The following BCL9 variants were observed in gnomAD, a reference collection of about 807,000 sequenced individuals.
BCL9 encodes BCL9 transcription coactivator.
In BCL9, 25 loss-of-function variants were observed where a neutral mutation model predicts 88.5. That is an observed-to-expected ratio of 0.28 (90% CI 0.21 to 0.39). The LOEUF (loss-of-function observed/expected upper bound fraction) is 0.39, where lower values mean the gene tolerates loss of function less well. BCL9 is among the 10% of genes least tolerant of loss of function. The pLI, the probability that BCL9 is intolerant of heterozygous loss-of-function variation, is 1.00. For synonymous variants in BCL9, 711 were observed against 673.3 expected, an observed-to-expected ratio of 1.06 and a Z score of -0.87; for missense variants, 1,817 against 1,877.8, an observed-to-expected ratio of 0.97 and a Z score of 0.60.
At chr1:147,551,112 A>G (rs1460439573) in intron 1 of BCL9, among the ~76,000 whole-genome samples, 1 of 152,188 alleles carries the variant, frequency 6.6e-6, no homozygotes, top group East Asian at 1.9e-4. Context: ...AGTATTTGCT[A>G]TGTGCCACAC....
chr1:147,620,451 C>T lies in BCL9; in HGVS notation c.2296C>T (p.Pro766Ser). The T allele has an allele frequency of 6.2e-7, 1 of 1,614,068 alleles. No individual in the cohort carries two copies. Among genetic ancestry groups the T allele is most frequent in the Non-Finnish European group, 8.5e-7 (1 of 1,179,982 alleles). The change falls in exon 8 of 10, where the codon CCA becomes TCA. Residue 766 changes from proline to serine, a missense_variant. Pro to Ser is a moderately conservative substitution (Grantham distance 74). This residue lies in a region of BCL9 where 1,228 missense variants were observed against 1,191.6 expected (regional missense o/e 1.03). Transcript: ENST00000234739. Reference protein sequence around the residue: ...DMLPAQQKMVPLPFGEHPQQE... With the variant: ...DMLPAQQKMVSLPFGEHPQQE... ...GCTGCCTGCTCAGCAGAAGATGGTG[C>T]CACTGCCATTTGGTGAGCACCCCCA... is the stretch of plus-strand genomic sequence containing the variant.
intron 9 of BCL9, among the ~76,000 whole-genome samples, chr1:147,622,956 TC>T (rs1570923553): frequency 9.4e-6 from 1 of 106,178 alleles, no homozygotes; most frequent in East Asian, 2.8e-4. Context: ...AGCCCCTGTT[TC>T]CTAGACAAGC....
At chr1:147,560,685 G>A (rs1480047419) in intron 1 of BCL9, among the ~76,000 whole-genome samples, 2 of 151,834 alleles carry the variant, frequency 1.3e-5, no homozygotes, top group Non-Finnish European at 2.9e-5. Flanking sequence ...GGGGGGTTGT[G>A]GGGATGACTT....
At chr1:147,602,146 C>G (rs183705182) in intron 1 of BCL9, among the ~76,000 whole-genome samples, 1 of 151,374 alleles carries the variant, frequency 6.6e-6, no homozygotes. Flanking sequence ...GGTGATCCAC[C>G]CACCTCAGCC....
At chr1:147,566,159 T>C (rs1238242445) in intron 1 of BCL9, among the ~76,000 whole-genome samples, 1 of 152,146 alleles carries the variant, frequency 6.6e-6, no homozygotes, top group African/African-American at 2.4e-5. Flanking sequence ...GGAAAAGCAT[T>C]TCTAAAGACA....
rs190886157 is a variant in BCL9 at position 147,617,649 on chromosome 1, T to G, written c.661-1167T>G. 1.5e-3 allele frequency among the ~76,000 whole-genome samples: 232 copies of G among 152,334 alleles called. 1 individual carries two copies. The highest frequency in any genetic ancestry group is 5.2e-3 in the African/African-American group (217 of 41,576). On this transcript the variant is annotated intron_variant, in intron 7 of 9. Transcript: ENST00000234739. ...GTTTTCATGTGTATACAACACAAATTGTTCATATGCAGAGATACACGTAAT... is the reference window on the plus strand; with the variant it reads ...GTTTTCATGTGTATACAACACAAATGGTTCATATGCAGAGATACACGTAAT...
intron 1 of BCL9, among the ~76,000 whole-genome samples, chr1:147,597,700 A>G: frequency 6.6e-6 from 1 of 152,224 alleles, no homozygotes; most frequent in East Asian, 1.9e-4. Flanking sequence ...AATAAATCCT[A>G]GTTTAAAACA....
chr1:147,587,983 C>T lies in BCL9; in HGVS notation c.-477-16794C>T, dbSNP rs1656692491. Among the ~76,000 whole-genome samples the T allele has an allele frequency of 2.6e-5, 4 of 152,036 alleles. No individual in the cohort carries two copies. In the South Asian group the frequency reaches 8.3e-4, roughly 32 times the overall value. On this transcript the variant is annotated intron_variant, in intron 1 of 9. Transcript: ENST00000234739. Reference sequence around the variant, plus strand: ...AATATAATGATCTAAATATTAAAAACGTCAAGTTTGTGATATAGTAATATG... The same window carrying T: ...AATATAATGATCTAAATATTAAAAATGTCAAGTTTGTGATATAGTAATATG...
intron 1 of BCL9, among the ~76,000 whole-genome samples, chr1:147,600,032 C>G (rs1478784823): frequency 6.7e-6 from 1 of 148,760 alleles, no homozygotes; most frequent in Non-Finnish European, 1.5e-5. Flanking sequence ...GGGGCACCCT[C>G]CGCTCGCGTC....
Position 147,620,754 on chromosome 1 carries a change from A to G in BCL9, c.2599A>G (p.Thr867Ala), listed in dbSNP as rs782552736. 1.4e-5 allele frequency: 23 copies of G among 1,613,956 alleles called. No homozygotes were observed. The highest frequency in any genetic ancestry group is 1.9e-5 in the Non-Finnish European group (23 of 1,180,032). ...SPGINPLKSP[T>A]MHQVQSPMLG... is the part of the protein sequence containing the mutation. The stretch of plus-strand genomic sequence containing the variant: ...AGGCATTAACCCTCTGAAGTCTCCC[A>G]CGATGCACCAAGTCCAGTCACCAAT... The change falls in exon 8 of 10, where the codon ACG (threonine) becomes GCG (alanine). Residue 867 changes from threonine to alanine, a missense_variant. Physicochemically the swap from Thr to Ala is moderately conservative, Grantham distance 58. Around this residue, in one of 2 missense-constraint regions of BCL9, gnomAD observed 1,228 missense variants for 1,191.6 expected, o/e 1.03. Transcript: ENST00000234739.
rs1658354130 is a variant in BCL9 at position 147,617,598 on chromosome 1, C to G, written c.661-1218C>G. Among the ~76,000 whole-genome samples the G allele has an allele frequency of 2.0e-5, 3 of 152,218 alleles. No homozygotes were observed. The South Asian group carries it at 6.2e-4, about 32-fold the overall frequency. Reference sequence around the variant, plus strand: ...AAAATCCAACATTTATATATATATTCACAGAATATAAGTGCTCAAAGATAT... The same window carrying G: ...AAAATCCAACATTTATATATATATTGACAGAATATAAGTGCTCAAAGATAT... On this transcript the variant is annotated intron_variant, in intron 7 of 9. Coordinates refer to ENST00000234739, the MANE Select transcript of BCL9 (RefSeq NM_004326.4).
chr1:147,606,920 G>A (rs925186654), intron 3 of BCL9, 54 bp downstream of exon 3: 2 of 152,508 alleles, frequency 1.3e-5, no homozygotes, highest in African/African-American at 2.4e-5. Context: ...TTAGAAGAAC[G>A]AGCTTAGGGA....
At chr1:147,603,838 C>T (rs1478926546) in intron 1 of BCL9, among the ~76,000 whole-genome samples, 1 of 152,126 alleles carries the variant, frequency 6.6e-6, no homozygotes, top group East Asian at 1.9e-4. Flanking sequence ...TATAATGTCC[C>T]ATGTGCTCCT....
rs1656321949 is a variant in BCL9, at chr1:147,580,582, T to C, written c.-477-24195T>C. Among the ~76,000 whole-genome samples the C allele has an allele frequency of 2.6e-5, 4 of 152,326 alleles. No individual in the cohort carries two copies. The South Asian group carries it at 8.3e-4, about 32-fold the overall frequency. Reference sequence around the variant, plus strand: ...TAATTTTGAAAGCATAAACATGCCATAAAGCACCTCCATTTCTAAATCCAT... The same window carrying C: ...TAATTTTGAAAGCATAAACATGCCACAAAGCACCTCCATTTCTAAATCCAT... On this transcript the variant is annotated intron_variant, in intron 1 of 9. Coordinates refer to ENST00000234739, the MANE Select transcript of BCL9 (RefSeq NM_004326.4).
intron 3 of BCL9, among the ~76,000 whole-genome samples, chr1:147,608,762 T>C (rs797030187): frequency 2.0e-5 from 3 of 152,302 alleles, no homozygotes; most frequent in African/African-American, 7.2e-5. Context: ...TACTTAACAC[T>C]GGAGTGCTTA....
intron 1 of BCL9, among the ~76,000 whole-genome samples, chr1:147,562,466 T>C (rs1210640994): frequency 1.3e-5 from 2 of 152,200 alleles, no homozygotes; most frequent in Non-Finnish European, 2.9e-5. Context: ...CACACCTTTA[T>C]TTTTCAGAGA....
intron 1 of BCL9, among the ~76,000 whole-genome samples, chr1:147,554,592 T>C (rs1553195209): frequency 6.6e-6 from 1 of 152,136 alleles, no homozygotes; most frequent in Non-Finnish European, 1.5e-5. Flanking sequence ...ACATGACAGC[T>C]CAGGGTTTGT....
intron 1 of BCL9, among the ~76,000 whole-genome samples, chr1:147,565,665 T>G (rs76541373): frequency 0.015 from 2,317 of 152,344 alleles, 30 homozygotes; most frequent in Non-Finnish European, 0.025. Context: ...AGGCCTTACT[T>G]CTTCTTTACA....
chr1:147,585,111 G>C (rs960900194), intron 1 of BCL9, among the ~76,000 whole-genome samples: 1 of 152,218 alleles, frequency 6.6e-6, no homozygotes, highest in African/African-American at 2.4e-5. Flanking sequence ...TTTTACCACA[G>C]AGGAGGGGAG....
Sources: gnomAD v4.1 joint callset for allele counts (sites outside exome capture counted in the v4.1 genomes callset) on GRCh38, gnomAD v4.1.1 for gene constraint, gnomAD v4.1.1 regional missense constraint, MANE v1.5 for transcripts, NCBI Gene and HGNC (gene_info 2026-07-23, HGNC 2026-07-21) for gene names.